The following HEATR4 variants were observed in gnomAD, a reference collection of about 807,000 sequenced individuals.
The protein encoded by HEATR4 is HEAT repeat-containing protein 4.
Under a neutral mutation model 108.8 loss-of-function variants are expected in HEATR4, and 95 were observed. The ratio of observed to expected loss-of-function variants is 0.87; its 90% CI spans 0.74 to 1.04. The LOEUF is 1.04. Ranked by LOEUF, HEATR4 falls within the 50% of genes least tolerant of loss-of-function variation. The pLI, the probability that HEATR4 is intolerant of heterozygous loss-of-function variation, is 0.00. For synonymous variants in HEATR4, 443 were observed against 459.4 expected, an observed-to-expected ratio of 0.96 and a Z score of 0.46; for missense variants, 1,152 against 1,253.8, an observed-to-expected ratio of 0.92 and a Z score of 1.23.
chr14:73,525,957 A>T lies in HEATR4; in HGVS notation c.-72-2733T>A, dbSNP rs1888308527. On this transcript the variant is annotated intron_variant, in intron 2 of 17. Transcript: ENST00000553558. ...GACAGAGTGAGACTCCTTATTTAAA[A>T]AAAAAAAAAAAGCATCTTCATAAGA... 2.0e-5 allele frequency among the ~76,000 whole-genome samples: 3 copies of T among 146,902 alleles called. No individual in the cohort carries two copies. In the East Asian group the frequency reaches 7.1e-4, roughly 35 times the overall value.
the HEATR4 span, among the ~76,000 whole-genome samples, chr14:73,631,105 T>G: frequency 1.3e-5 from 2 of 152,154 alleles, no homozygotes; most frequent in African/African-American, 2.4e-5. Context: ...ATATGACACA[T>G]GACAATTATT....
At chr14:73,612,519 G>T in the HEATR4 span, 1 of 1,165,386 alleles carries the variant, frequency 8.6e-7, no homozygotes, top group Non-Finnish European at 1.1e-6. Flanking sequence ...AAGCCGCCAG[G>T]CCCGCCCACT....
upstream of HEATR4, among the ~76,000 whole-genome samples, chr14:73,560,441 T>C (rs181270674): frequency 8.4e-3 from 1,273 of 151,932 alleles, 26 homozygotes; most frequent in Non-Finnish European, 0.014. Flanking sequence ...GTTGGGCGGA[T>C]CACGAGGTCA....
At position 73,522,522 on chromosome 14, in the gene HEATR4, T is replaced by G; in HGVS notation, c.631A>C (p.Asn211His). Residue 211 changes from asparagine to histidine, a missense_variant, in exon 3 of 18, where the codon AAC becomes CAC. By Grantham distance (68) the Asn-to-His change is moderately conservative (BLOSUM62 1). Transcript: ENST00000553558. ...TGGATCCATCGGGCTGTGCGCTCGT[T>G]CAGCTTTTCCAGCACAGTGGCCTCC... ...AWEATVLEKL[N>H]ERTARWIQSK... is the part of the protein sequence containing the mutation. 1 of 1,614,204 alleles carries G rather than the reference T, an allele frequency of 6.2e-7. No homozygotes were observed. The highest frequency in any genetic ancestry group is 8.5e-7 in the Non-Finnish European group (1 of 1,180,036).
intron 5 of HEATR4, among the ~76,000 whole-genome samples, chr14:73,515,337 C>G (rs748652057): frequency 3.3e-5 from 5 of 152,152 alleles, no homozygotes; most frequent in Non-Finnish European, 7.3e-5. Context: ...TGAATCAATT[C>G]TTTCCTTTGA....
intron 2 of HEATR4, among the ~76,000 whole-genome samples, chr14:73,523,464 A>G (rs7144950): frequency 0.024 from 3,688 of 152,312 alleles, 162 homozygotes; most frequent in African/African-American, 0.085. Flanking sequence ...CGTGTGAGGG[A>G]TGACTGCTTT....
At chr14:73,575,621 T>C in the HEATR4 span, 1 of 1,559,166 alleles carries the variant, frequency 6.4e-7, no homozygotes, top group Non-Finnish European at 8.6e-7. Context: ...AACTAAAGTT[T>C]TTTCCCCTCA....
chr14:73,597,722 T>G, the HEATR4 span, among the ~76,000 whole-genome samples: 2 of 150,728 alleles, frequency 1.3e-5, no homozygotes, highest in Non-Finnish European at 2.9e-5. Flanking sequence ...GCCTCTCGAG[T>G]AGCTGGGACT....
the HEATR4 span, among the ~76,000 whole-genome samples, chr14:73,594,892 A>G: frequency 6.6e-6 from 1 of 152,010 alleles, no homozygotes; most frequent in African/African-American, 2.4e-5. Context: ...TTTAATAGAG[A>G]CAGGGTTCTG....
the HEATR4 span, chr14:73,567,733 C>G: frequency 2.0e-5 from 3 of 151,920 alleles, no homozygotes; most frequent in African/African-American, 7.2e-5. Context: ...GCTGTAACAC[C>G]GTGAAGGTAT....
At chr14:73,622,957 T>G in the HEATR4 span, among the ~76,000 whole-genome samples, 1 of 152,100 alleles carries the variant, frequency 6.6e-6, no homozygotes, top group Non-Finnish European at 1.5e-5. Flanking sequence ...CTGCCTGGGC[T>G]GGAGTGCAAT....
the HEATR4 span, among the ~76,000 whole-genome samples, chr14:73,589,127 T>C: frequency 6.7e-6 from 1 of 150,332 alleles, no homozygotes; most frequent in Admixed American, 6.6e-5. Flanking sequence ...TAGGGTTCGT[T>C]TGTTCTACAT....
the HEATR4 span, among the ~76,000 whole-genome samples, chr14:73,599,044 T>C: frequency 2.7e-5 from 4 of 145,800 alleles, no homozygotes; most frequent in Non-Finnish European, 4.4e-5. Flanking sequence ...GAGGATGTGA[T>C]GCTGTGATGC....
At chr14:73,526,591 A>G (rs1255899960) in intron 2 of HEATR4, among the ~76,000 whole-genome samples, 1 of 152,130 alleles carries the variant, frequency 6.6e-6, no homozygotes, top group Non-Finnish European at 1.5e-5. Context: ...GACTTTGAGT[A>G]GCAGCTCAGC....
chr14:73,513,216 T>C (rs111229665), intron 6 of HEATR4, among the ~76,000 whole-genome samples: 31 of 152,314 alleles, frequency 2.0e-4, no homozygotes, highest in African/African-American at 7.2e-4. Flanking sequence ...CCCAGCACTT[T>C]GGGAGGCCAA....
At chr14:73,505,207 G>A (rs773547126) in intron 10 of HEATR4, among the ~76,000 whole-genome samples, 10 of 152,034 alleles carry the variant, frequency 6.6e-5, no homozygotes, top group Non-Finnish European at 1.2e-4. Context: ...ATGAGCCACC[G>A]TACCGGACCC....
chr14:73,576,816 A>AAAAAAACAAAAAAAAAAAAAG, the HEATR4 span, among the ~76,000 whole-genome samples: 2 of 58,142 alleles, frequency 3.4e-5, 1 homozygote. Flanking sequence ...AAAAAAAAAA[A>AAAAAAACAAAAAAAAAAAAAG]AAAAGACAAT....
chr14:73,525,613 T>C (rs1196517887), intron 2 of HEATR4, among the ~76,000 whole-genome samples: 1 of 152,104 alleles, frequency 6.6e-6, no homozygotes, highest in Non-Finnish European at 1.5e-5. Flanking sequence ...CCTCCAGCGA[T>C]TGTCTCCATG....
At chr14:73,513,529 C>T (rs2140283572) in intron 6 of HEATR4, among the ~76,000 whole-genome samples, 1 of 151,670 alleles carries the variant, frequency 6.6e-6, no homozygotes, top group South Asian at 2.1e-4. Context: ...AGTTTGAGAC[C>T]ACTCTGGCCA....
Sources: gnomAD v4.1 joint callset for allele counts (sites outside exome capture counted in the v4.1 genomes callset) on GRCh38, gnomAD v4.1.1 for gene constraint, MANE v1.5 for transcripts, NCBI Gene and HGNC (gene_info 2026-07-23, HGNC 2026-07-21) for gene names.